Variants in EIF3E observed in about 807,000 individuals in gnomAD.
EIF3E encodes the protein eIF-3 p48.
A neutral mutation model predicts 59.3 loss-of-function variants in EIF3E; 25 were observed. The observed-to-expected ratio is 0.42, with a 90% CI of 0.31 to 0.59. EIF3E has a LOEUF of 0.59. EIF3E is among the 20% of genes least tolerant of loss of function. The pLI, the probability that EIF3E is intolerant of heterozygous loss-of-function variation, is 0.15. For synonymous variants in EIF3E, 176 were observed against 170.2 expected, an observed-to-expected ratio of 1.03 and a Z score of -0.26; for missense variants, 317 against 534.3, an observed-to-expected ratio of 0.59 and a Z score of 4.01.
Position 108,229,061 on chromosome 8 carries a change from C to T in EIF3E, c.597+9G>A, listed in dbSNP as rs575625924. ...TTTCAGAGAATAACTGTGAAAAAGT[C>T]GAACTCACATTATTATCTATGGTCT... On this transcript the variant is annotated intron_variant, in intron 6 of 12. Coordinates refer to ENST00000220849, the MANE Select transcript of EIF3E (RefSeq NM_001568.3). The T allele has an allele frequency of 3.2e-6, 5 of 1,586,678 alleles. No individual in the cohort carries two copies. The highest frequency in any genetic ancestry group is 1.2e-5 in the South Asian group (1 of 86,476).
intron 7 of EIF3E, among the ~76,000 whole-genome samples, chr8:108,224,203 CAG>C (rs761147332): frequency 5.3e-5 from 8 of 151,174 alleles, no homozygotes; most frequent in Non-Finnish European, 1.0e-4. Flanking sequence ...GCCTGGGCGA[CAG>C]AGTGAGACTC....
chr8:108,242,543 G>T, intron 1 of EIF3E: 1 of 1,169,558 alleles, frequency 8.6e-7, no homozygotes, highest in Non-Finnish European at 1.1e-6. Context: ...CAAAAGAAAA[G>T]ATTTCTGTAC....
intron 7 of EIF3E, among the ~76,000 whole-genome samples, chr8:108,218,073 T>C (rs1201404423): frequency 6.6e-6 from 1 of 152,186 alleles, no homozygotes; most frequent in African/African-American, 2.4e-5. Context: ...AATTAGGTGT[T>C]TACCCTTATT....
chr8:108,206,884 A>C (rs1175637811), intron 10 of EIF3E, among the ~76,000 whole-genome samples: 9 of 152,180 alleles, frequency 5.9e-5, no homozygotes, highest in Non-Finnish European at 7.3e-5. Flanking sequence ...TCCATATTCT[A>C]AGACTCATTC....
At position 108,203,517 on chromosome 8, in the gene EIF3E, A is replaced by G; in HGVS notation, c.1062-14T>C. ...TCTGCCAACATGCTAATGAAAAAGT[A>G]AAAACAGCAATGTTAATTAACTGGG... On this transcript the variant is annotated splice_polypyrimidine_tract_variant and intron_variant, in intron 10 of 12. Coordinates refer to ENST00000220849, the MANE Select transcript of EIF3E (RefSeq NM_001568.3). The G allele has an allele frequency of 6.2e-7, 1 of 1,608,304 alleles. No homozygotes were observed. Among genetic ancestry groups the G allele is most frequent in the South Asian group, 1.1e-5 (1 of 90,908 alleles).
At position 108,235,120 on chromosome 8, in the gene EIF3E, A is replaced by C. The variant is rs1189037372; in HGVS notation, c.367-18T>G. Reference sequence around the variant, plus strand: ...TGCCTAAACTAAAAAGAAAAAAAAAAGATTAAGTTCTCTTTAATTTAGAGT... The same window carrying C: ...TGCCTAAACTAAAAAGAAAAAAAAACGATTAAGTTCTCTTTAATTTAGAGT... On this transcript the variant is annotated intron_variant, in intron 4 of 12. Coordinates refer to ENST00000220849, the MANE Select transcript of EIF3E (RefSeq NM_001568.3). 6.2e-6 allele frequency: 9 copies of C among 1,462,164 alleles called. No individual in the cohort carries two copies. Among genetic ancestry groups the C allele is most frequent in the Non-Finnish European group, 8.4e-6 (9 of 1,077,788 alleles). 90.6% of individuals were successfully genotyped at this position (1,462,164 alleles called of 1,614,324 possible).
intron 5 of EIF3E, among the ~76,000 whole-genome samples, chr8:108,231,564 A>G (rs1480451691): frequency 6.6e-6 from 1 of 152,076 alleles, no homozygotes; most frequent in Non-Finnish European, 1.5e-5. Flanking sequence ...AGTATAACAA[A>G]TAGTCCTAGG....
intron 7 of EIF3E, among the ~76,000 whole-genome samples, chr8:108,221,798 A>ACACACG (rs56322259): frequency 0.25 from 34,002 of 138,682 alleles, 3,820 homozygotes; most frequent in East Asian, 0.39. Flanking sequence ...GCCAGACTAC[A>ACACACG]CACACACGCA....
chr8:108,213,893 A>G (rs1053520546), intron 10 of EIF3E, among the ~76,000 whole-genome samples: 6 of 152,190 alleles, frequency 3.9e-5, no homozygotes, highest in Non-Finnish European at 8.8e-5. Flanking sequence ...GATAAGCAAA[A>G]ACAAATGGCA....
intron 4 of EIF3E, 58 bp downstream of exon 4, chr8:108,236,103 A>G: frequency 6.9e-7 from 1 of 1,448,682 alleles, no homozygotes; most frequent in Non-Finnish European, 9.5e-7. Flanking sequence ...TGTACAAACC[A>G]GTCTTTAGTC....
chr8:108,229,317 GTAATTATC>G (rs1376986024), intron 5 of EIF3E, 122 bp from the exon 6 acceptor site: 1 of 981,260 alleles, frequency 1.0e-6, no homozygotes, highest in African/African-American at 1.7e-5. Flanking sequence ...ACAAAAAACT[GTAATTATC>G]TAAGTCCTTA....
intron 10 of EIF3E, among the ~76,000 whole-genome samples, chr8:108,206,341 GA>G (rs1815100224): frequency 6.6e-6 from 1 of 151,642 alleles, no homozygotes; most frequent in African/African-American, 2.4e-5. Flanking sequence ...AAAAGAAAAA[GA>G]AAGAAAAAAG....
At chr8:108,228,166 G>A in intron 7 of EIF3E, 101 bp downstream of exon 7, 6 of 1,275,914 alleles carry the variant, frequency 4.7e-6, no homozygotes, top group Non-Finnish European at 6.3e-6. Flanking sequence ...AAAAACAGGT[G>A]ACAACAAATT....
chr8:108,230,740 A>G (rs539645268), intron 5 of EIF3E, among the ~76,000 whole-genome samples: 2 of 152,284 alleles, frequency 1.3e-5, no homozygotes, highest in South Asian at 4.1e-4. Context: ...TTTATTTTTA[A>G]TAGGCAAAAA....
At chr8:108,236,757 G>A (rs1815738443) in intron 3 of EIF3E, among the ~76,000 whole-genome samples, 1 of 152,108 alleles carries the variant, frequency 6.6e-6, no homozygotes, top group African/African-American at 2.4e-5. Flanking sequence ...CGCAGTGACT[G>A]ATACCTGTAA....
chr8:108,248,512 GC>G, intron 1 of EIF3E, 100 bp downstream of exon 1: 1 of 1,165,062 alleles, frequency 8.6e-7, no homozygotes, highest in Admixed American at 2.2e-5. Flanking sequence ...ACTCGCGACC[GC>G]CTCGCACGTG....
At chr8:108,247,917 CATG>C (rs1815977960) in intron 1 of EIF3E, among the ~76,000 whole-genome samples, 1 of 150,604 alleles carries the variant, frequency 6.6e-6, no homozygotes, top group Non-Finnish European at 1.5e-5. Context: ...CACATTTATT[CATG>C]ATATCTTGAG....
At chr8:108,220,874 T>C (rs1815397644) in intron 7 of EIF3E, among the ~76,000 whole-genome samples, 1 of 152,270 alleles carries the variant, frequency 6.6e-6, no homozygotes, top group South Asian at 2.1e-4. Flanking sequence ...GTACTACACA[T>C]GCCTGGGCGT....
At chr8:108,214,261 T>C (rs1434360557) in intron 10 of EIF3E, among the ~76,000 whole-genome samples, 1 of 152,208 alleles carries the variant, frequency 6.6e-6, no homozygotes, top group Non-Finnish European at 1.5e-5. Context: ...ATTTAATGGG[T>C]ATCTCCTTTG....
Sources: gnomAD v4.1 joint callset for allele counts (sites outside exome capture counted in the v4.1 genomes callset) on GRCh38, gnomAD v4.1.1 for gene constraint, MANE v1.5 for transcripts, NCBI Gene and HGNC (gene_info 2026-07-23, HGNC 2026-07-21) for gene names.